The following COG6 variants were observed in gnomAD, a reference collection of about 807,000 sequenced individuals.
The protein encoded by COG6 is component of oligomeric golgi complex 6, also known as conserved oligomeric Golgi complex subunit 6.
A neutral mutation model predicts 88.8 loss-of-function variants in COG6; 74 were observed. The ratio of observed to expected loss-of-function variants is 0.83; its 90% CI spans 0.69 to 1.01. COG6 has a LOEUF of 1.01. Ranked by LOEUF, COG6 falls within the 50% of genes least tolerant of loss-of-function variation. The pLI is 0.00. For synonymous variants in COG6, 286 were observed against 278.7 expected, an observed-to-expected ratio of 1.03 and a Z score of -0.26; for missense variants, 800 against 797.9, an observed-to-expected ratio of 1.00 and a Z score of -0.03.
intron 13 of COG6, 137 bp from the exon 14 acceptor site, chr13:39,719,099 A>G (rs749722228): frequency 2.6e-6 from 2 of 781,894 alleles, no homozygotes; most frequent in Non-Finnish European, 4.3e-6. Context: ...AAAGTAAGCT[A>G]TTGATAAATT....
rs565074128 is a variant in COG6, at chr13:39,695,655, A to G, written c.1166+930A>G. On this transcript the variant is annotated intron_variant, in intron 12 of 18. Coordinates refer to ENST00000455146, the MANE Select transcript of COG6 (RefSeq NM_020751.3). ...TATCACCTACCCCTTAGTGACAGAG[A>G]GTAGCCACCCAGAACTTAACAGCTA... Among the ~76,000 whole-genome samples the G allele has an allele frequency of 1.9e-3, 291 of 151,962 alleles. 4 individuals carry two copies. The highest frequency in any genetic ancestry group is 6.5e-3 in the African/African-American group (269 of 41,514).
chr13:39,688,660 A>G (rs1237325820), intron 10 of COG6, among the ~76,000 whole-genome samples: 4 of 152,216 alleles, frequency 2.6e-5, no homozygotes, highest in African/African-American at 4.8e-5. Flanking sequence ...AGAGGGGACA[A>G]ACATCCAAAC....
chr13:39,675,551 A>G (rs1875917124), intron 4 of COG6, among the ~76,000 whole-genome samples: 1 of 152,118 alleles, frequency 6.6e-6, no homozygotes, highest in African/African-American at 2.4e-5. Flanking sequence ...ATATTTTTGC[A>G]CCATCTCTTT....
At chr13:39,705,608 T>C in intron 13 of COG6, among the ~76,000 whole-genome samples, 1 of 152,096 alleles carries the variant, frequency 6.6e-6, no homozygotes, top group East Asian at 1.9e-4. Flanking sequence ...GAAACCCATA[T>C]CAAGTTAATA....
intron 18 of COG6, among the ~76,000 whole-genome samples, chr13:39,746,952 T>G (rs1264800812): frequency 2.0e-5 from 3 of 152,172 alleles, no homozygotes; most frequent in African/African-American, 7.2e-5. Context: ...TGTAGGTAGT[T>G]TTTTTAAAAC....
chr13:39,791,164 C>A (rs973413274), exon 19 of COG6: 1 of 151,938 alleles, frequency 6.6e-6, no homozygotes, highest in African/African-American at 2.4e-5. Context: ...CAGACAGACA[C>A]CCACTTTCTA....
At chr13:39,758,270 C>T (rs947135658) in intron 18 of COG6, among the ~76,000 whole-genome samples, 4 of 150,838 alleles carry the variant, frequency 2.7e-5, no homozygotes, top group African/African-American at 9.7e-5. Context: ...TGGCTCATGC[C>T]TGTGATCCCA....
rs536419796 is a variant in COG6, at chr13:39,701,475, C to T, written c.1284+1857C>T. On this transcript the variant is annotated intron_variant, in intron 13 of 18. Coordinates refer to ENST00000455146, the MANE Select transcript of COG6 (RefSeq NM_020751.3). ...TTTTATGAGTAGAGCTACCAGGACA[C>T]AGTCTTGGGAAACACTGACGTTTAA... 3.3e-5 allele frequency among the ~76,000 whole-genome samples: 5 copies of T among 151,854 alleles called. No homozygotes were observed. In the South Asian group the frequency reaches 8.3e-4, roughly 25 times the overall value.
At chr13:39,715,520 G>A (rs1221976672) in intron 13 of COG6, among the ~76,000 whole-genome samples, 1 of 151,828 alleles carries the variant, frequency 6.6e-6, no homozygotes, top group Non-Finnish European at 1.5e-5. Flanking sequence ...CTATATTATA[G>A]CTATTAGAAT....
At chr13:39,657,064 C>G (rs1874557298) in intron 1 of COG6, among the ~76,000 whole-genome samples, 1 of 152,106 alleles carries the variant, frequency 6.6e-6, no homozygotes, top group Admixed American at 6.5e-5. Flanking sequence ...GAGTTTTGCT[C>G]TTTTTGCCCA....
intron 18 of COG6, among the ~76,000 whole-genome samples, chr13:39,785,017 C>T (rs1037841128): frequency 2.6e-5 from 4 of 152,208 alleles, no homozygotes; most frequent in African/African-American, 9.7e-5. Context: ...GGCCCAGTCT[C>T]AGGTCCTTGG....
intron 18 of COG6, among the ~76,000 whole-genome samples, chr13:39,735,674 T>A (rs1199315999): frequency 6.6e-6 from 1 of 151,884 alleles, no homozygotes; most frequent in Non-Finnish European, 1.5e-5. Context: ...CTTTAGCATT[T>A]CTTGTAGGAC....
At chr13:39,722,737 A>T (rs919575175) in intron 15 of COG6, among the ~76,000 whole-genome samples, 5 of 151,986 alleles carry the variant, frequency 3.3e-5, no homozygotes, top group African/African-American at 4.8e-5. Flanking sequence ...CCAAAATAGC[A>T]CAAAGCTGGG....
chr13:39,739,731 C>T (rs2138120504), intron 18 of COG6, among the ~76,000 whole-genome samples: 1 of 152,114 alleles, frequency 6.6e-6, no homozygotes, highest in East Asian at 1.9e-4. Flanking sequence ...CATTACAGTT[C>T]AAAACAATAT....
chr13:39,693,716 A>G lies in COG6; in HGVS notation c.1075-918A>G, dbSNP rs556291497. On this transcript the variant is annotated intron_variant, in intron 11 of 18. Transcript: ENST00000455146. ...TTTCTGTAATCTAAGAGGTTTTCATATGCAGATATAAAATCTCATTTTAGC... is the reference window on the plus strand; with the variant it reads ...TTTCTGTAATCTAAGAGGTTTTCATGTGCAGATATAAAATCTCATTTTAGC... 2.2e-4 allele frequency among the ~76,000 whole-genome samples: 34 copies of G among 152,082 alleles called. 1 individual carries two copies. In the South Asian group the frequency reaches 7.0e-3, roughly 31 times the overall value.
rs1476380323 is a variant in COG6, at chr13:39,716,948, C to T, written c.1285-2288C>T. On this transcript the variant is annotated intron_variant, in intron 13 of 18. Transcript: ENST00000455146. The stretch of plus-strand genomic sequence containing the variant: ...ATCTTTGTTGGAGTCTTGACCAGTG[C>T]TCTATTTCTTTATGTGGATCGAGTT... Among the ~76,000 whole-genome samples the T allele has an allele frequency of 2.0e-5, 3 of 152,104 alleles. No individual in the cohort carries two copies. In the East Asian group the frequency reaches 5.8e-4, roughly 29 times the overall value.
At position 39,762,197 on chromosome 13, in the gene COG6, A is replaced by C. The variant is rs1334616662; in HGVS notation, c.1827-26138A>C. Among the ~76,000 whole-genome samples, 6 of 152,048 alleles carry C rather than the reference A, an allele frequency of 3.9e-5. No individual in the cohort carries two copies. The East Asian group carries it at 1.2e-3, about 29-fold the overall frequency. On this transcript the variant is annotated intron_variant, in intron 18 of 18. Transcript: ENST00000416691. ...CTATTTAGCCATAAAAAATAACAAAATTATCTCATTTGTGCCAACATGGAT... is the reference window on the plus strand; with the variant it reads ...CTATTTAGCCATAAAAAATAACAAACTTATCTCATTTGTGCCAACATGGAT...
At chr13:39,778,314 C>T (rs1881524815) in intron 18 of COG6, among the ~76,000 whole-genome samples, 1 of 152,114 alleles carries the variant, frequency 6.6e-6, no homozygotes, top group African/African-American at 2.4e-5. Flanking sequence ...CTGCCTAGAG[C>T]CTAGAAAAGG....
intron 15 of COG6, among the ~76,000 whole-genome samples, chr13:39,722,043 T>G (rs981188567): frequency 1.3e-5 from 2 of 152,132 alleles, no homozygotes; most frequent in African/African-American, 4.8e-5. Context: ...TGTTACTTTT[T>G]ATATTTTGAA....
Sources: allele counts gnomAD v4.1 joint callset (sites outside exome capture counted in the v4.1 genomes callset), GRCh38; gene constraint gnomAD v4.1.1; transcripts MANE v1.5; gene names NCBI Gene and HGNC (gene_info 2026-07-23, HGNC 2026-07-21).